CDK14: variants seen among roughly 807,000 people sequenced by gnomAD.
CDK14 encodes the protein cyclin dependent kinase 14, also known as cyclin-dependent kinase 14.
A neutral mutation model predicts 60.7 loss-of-function variants in CDK14; 34 were observed. The ratio of observed to expected loss-of-function variants is 0.56; its 90% CI spans 0.43 to 0.75. CDK14 has a LOEUF of 0.75. Ranked by LOEUF, CDK14 falls within the 30% of genes least tolerant of loss-of-function variation. The pLI is 0.00. For missense variants in CDK14, 482 were observed against 564.1 expected, an observed-to-expected ratio of 0.85 and a Z score of 1.47; for synonymous variants, 197 against 203.7, an observed-to-expected ratio of 0.97 and a Z score of 0.28.
chr7:90,661,330 G>A (rs561783939), intron 2 of CDK14, among the ~76,000 whole-genome samples: 3 of 152,266 alleles, frequency 2.0e-5, no homozygotes, highest in South Asian at 2.1e-4. Context: ...GTACAACTCT[G>A]AGGGACACTA....
chr7:91,061,343 G>A (rs1066804), intron 11 of CDK14, among the ~76,000 whole-genome samples: 16,546 of 152,144 alleles, frequency 0.11, 1,124 homozygotes, highest in Non-Finnish European at 0.15. Context: ...CCGTGGGTTC[G>A]AACTACCTCT....
At chr7:90,801,197 T>A (rs1018867436) in intron 5 of CDK14, among the ~76,000 whole-genome samples, 1 of 152,174 alleles carries the variant, frequency 6.6e-6, no homozygotes, top group Non-Finnish European at 1.5e-5. Context: ...GGGACCTGCA[T>A]TGGACCTTTG....
chr7:90,649,314 TTCCTTCCTTCCTTCC>T lies in CDK14; in HGVS notation c.123+45067_123+45081del, dbSNP rs1563029816. Among the ~76,000 whole-genome samples, 9 of 31,702 alleles carry T rather than the reference TTCCTTCCTTCCTTCC, an allele frequency of 2.8e-4. 1 individual carries two copies. Among genetic ancestry groups the T allele is most frequent in the African/African-American group, 9.3e-4 (5 of 5,384 alleles). 20.8% of individuals were successfully genotyped at this position (31,702 alleles called of 152,430 possible). On this transcript the variant is annotated intron_variant, in intron 2 of 14. Transcript: ENST00000380050. ...TTTCTTTCTTTCTTTCTTTCTTTCC[TTCCTTCCTTCCTTCC>T]TTCCTTCCTTCCTTCCTTCCTTCCT...
chr7:90,938,215 G>A (rs1287257765), intron 8 of CDK14, among the ~76,000 whole-genome samples: 1 of 152,086 alleles, frequency 6.6e-6, no homozygotes, highest in Non-Finnish European at 1.5e-5. Context: ...GTACTAAATG[G>A]CAATCCTTTC....
intron 11 of CDK14, among the ~76,000 whole-genome samples, chr7:91,078,429 A>G (rs764135977): frequency 6.6e-6 from 1 of 152,158 alleles, no homozygotes; most frequent in African/African-American, 2.4e-5. Flanking sequence ...CAGCATGATG[A>G]CACCCTGTCT....
At chr7:90,707,543 C>T (rs1801925401) in intron 2 of CDK14, among the ~76,000 whole-genome samples, 1 of 152,160 alleles carries the variant, frequency 6.6e-6, no homozygotes, top group Admixed American at 6.5e-5. Context: ...TCCTGTAGGG[C>T]TTTTCTATTG....
intron 14 of CDK14, among the ~76,000 whole-genome samples, chr7:91,128,557 A>G (rs912237245): frequency 3.9e-5 from 6 of 152,184 alleles, no homozygotes; most frequent in Non-Finnish European, 5.9e-5. Flanking sequence ...TGACAGATTT[A>G]TTAGATTAAT....
chr7:91,015,819 C>T (rs1252305744), intron 10 of CDK14, among the ~76,000 whole-genome samples: 3 of 151,188 alleles, frequency 2.0e-5, no homozygotes, highest in Non-Finnish European at 2.9e-5. Flanking sequence ...AAACATTTCA[C>T]AAAAATATTT....
chr7:90,748,616 C>G lies in CDK14; in HGVS notation c.464+841C>G, dbSNP rs747063311. ...TTTTTTGTCTGAGACAGCATTTCGC[C>G]CTGTTGCCCAGGCTGGAGTACAGTG... On this transcript the variant is annotated intron_variant, in intron 4 of 14. Transcript: ENST00000380050. 1.6e-4 allele frequency among the ~76,000 whole-genome samples: 24 copies of G among 152,272 alleles called. No individual in the cohort carries two copies. The Middle Eastern group carries it at 0.014, about 86-fold the overall frequency.
At chr7:90,807,840 C>T (rs1043818017) in intron 5 of CDK14, among the ~76,000 whole-genome samples, 5 of 151,928 alleles carry the variant, frequency 3.3e-5, no homozygotes, top group Admixed American at 1.3e-4. Context: ...GTAGCCAATT[C>T]GATCAACTGG....
intron 14 of CDK14, among the ~76,000 whole-genome samples, chr7:91,180,615 G>T (rs1801971944): frequency 6.6e-6 from 1 of 152,158 alleles, no homozygotes; most frequent in South Asian, 2.1e-4. Context: ...AAAAGCTGTT[G>T]TTGTTATTTT....
At chr7:90,986,124 A>AC (rs1795366687) in intron 10 of CDK14, among the ~76,000 whole-genome samples, 1 of 152,090 alleles carries the variant, frequency 6.6e-6, no homozygotes, top group Admixed American at 6.6e-5. Context: ...CCACTAAACA[A>AC]TTTGTAATTA....
intron 4 of CDK14, among the ~76,000 whole-genome samples, chr7:90,784,272 G>A (rs977371072): frequency 2.0e-5 from 3 of 152,116 alleles, no homozygotes; most frequent in African/African-American, 7.2e-5. Flanking sequence ...GACAAGGGTC[G>A]TGGAGAGATG....
intron 6 of CDK14, among the ~76,000 whole-genome samples, chr7:90,866,273 C>CACACACAG (rs1491345959): frequency 8.1e-5 from 12 of 148,456 alleles, no homozygotes; most frequent in South Asian, 6.5e-4. Context: ...CACACACACA[C>CACACACAG]AGAACTTTGT....
intron 3 of CDK14, 91 bp downstream of exon 3, chr7:90,726,903 T>A: frequency 6.9e-7 from 1 of 1,452,240 alleles, no homozygotes. Flanking sequence ...CAGGAAACTT[T>A]ATCAGTGCCT....
intron 2 of CDK14, among the ~76,000 whole-genome samples, chr7:90,648,310 T>C (rs1800515078): frequency 6.6e-6 from 1 of 152,124 alleles, no homozygotes; most frequent in Non-Finnish European, 1.5e-5. Context: ...CTCTGTAGGG[T>C]TGCCTGAGTG....
At position 90,805,313 on chromosome 7, in the gene CDK14, T is replaced by C. The variant is rs559994056; in HGVS notation, c.544+14661T>C. ...AAAATCATTTAATGTAATACCATGT[T>C]AATAGAATAAAGTTTAAAAATCACA... On this transcript the variant is annotated intron_variant, in intron 5 of 14. Transcript: ENST00000380050. 6.6e-5 allele frequency among the ~76,000 whole-genome samples: 10 copies of C among 152,214 alleles called. No homozygotes were observed. In the East Asian group the frequency reaches 1.9e-3, roughly 29 times the overall value.
At chr7:90,741,672 A>T (rs1001768817) in intron 3 of CDK14, among the ~76,000 whole-genome samples, 11 of 152,206 alleles carry the variant, frequency 7.2e-5, no homozygotes, top group Non-Finnish European at 1.5e-4. Context: ...TATTTTATGG[A>T]AGAGATTAGT....
chr7:90,687,728 T>A (rs1180344541), intron 2 of CDK14, among the ~76,000 whole-genome samples: 1 of 152,162 alleles, frequency 6.6e-6, no homozygotes. Flanking sequence ...TTTCAGTTAT[T>A]TAAAACATAG....
Sources: allele counts gnomAD v4.1 joint callset (sites outside exome capture counted in the v4.1 genomes callset), GRCh38; gene constraint gnomAD v4.1.1; transcripts MANE v1.5; gene names NCBI Gene and HGNC (gene_info 2026-07-23, HGNC 2026-07-21).